SLC30A8: variants seen among roughly 807,000 people sequenced by gnomAD.
The protein encoded by SLC30A8 is proton-coupled zinc antiporter SLC30A8.
Under a neutral mutation model 36.9 loss-of-function variants are expected in SLC30A8, and 27 were observed. That is an observed-to-expected ratio of 0.73 (90% CI 0.54 to 1.01). The LOEUF is 1.01. Ranked by LOEUF, SLC30A8 falls within the 50% of genes least tolerant of loss-of-function variation. SLC30A8 has a pLI of 0.00. For synonymous variants in SLC30A8, 164 were observed against 172.4 expected (o/e 0.95, Z 0.38); for missense variants, 439 against 452.0 (o/e 0.97, Z 0.26).
At chr8:116,961,804 G>A (rs1160124488) in intron 1 of SLC30A8, among the ~76,000 whole-genome samples, 1 of 151,654 alleles carries the variant, frequency 6.6e-6, no homozygotes, top group Non-Finnish European at 1.5e-5. Flanking sequence ...TTTTTGTGTC[G>A]CTCAGACTAG....
intron 1 of SLC30A8, among the ~76,000 whole-genome samples, chr8:116,951,348 C>T (rs183552727): frequency 1.3e-5 from 2 of 152,126 alleles, no homozygotes; most frequent in Non-Finnish European, 2.9e-5. Context: ...AGCAATTAAA[C>T]AAGGGAAGCT....
At chr8:117,128,187 T>A (rs929392610) in intron 2 of SLC30A8, among the ~76,000 whole-genome samples, 2 of 152,054 alleles carry the variant, frequency 1.3e-5, no homozygotes, top group African/African-American at 4.8e-5. Context: ...CTATAGTCTG[T>A]TTAATTTGCT....
At position 117,011,313 on chromosome 8, in the gene SLC30A8, G is replaced by T. The variant is rs1816337570; in HGVS notation, c.-265-27906G>T. On this transcript the variant is annotated intron_variant, in intron 1 of 10. Coordinates refer to the SLC30A8 transcript ENST00000427715. ...CTGGGTTTATGTCACTTGTAATCAG[G>T]AGTCTTGACCAACGTTTCATTTTTC... 2.0e-5 allele frequency among the ~76,000 whole-genome samples: 3 copies of T among 152,178 alleles called. No individual in the cohort carries two copies. The South Asian group carries it at 6.2e-4, about 32-fold the overall frequency.
At chr8:117,160,524 C>T (rs1822736991) in intron 4 of SLC30A8, among the ~76,000 whole-genome samples, 3 of 152,050 alleles carry the variant, frequency 2.0e-5, no homozygotes, top group Admixed American at 2.0e-4. Context: ...GTGACCACAA[C>T]TGTTTTCACT....
At chr8:117,013,085 A>G (rs1248693389) in intron 1 of SLC30A8, among the ~76,000 whole-genome samples, 1 of 152,138 alleles carries the variant, frequency 6.6e-6, no homozygotes, top group Middle Eastern at 3.2e-3. Flanking sequence ...TACCTGTGTC[A>G]GGAGAGGTAT....
At chr8:117,082,921 A>G (rs1459744427) in intron 2 of SLC30A8, among the ~76,000 whole-genome samples, 1 of 152,182 alleles carries the variant, frequency 6.6e-6, no homozygotes, top group Non-Finnish European at 1.5e-5. Flanking sequence ...TTTCAGGAAA[A>G]GCAGGCAGAA....
At chr8:117,005,222 C>G (rs1411847044) in intron 1 of SLC30A8, among the ~76,000 whole-genome samples, 1 of 152,178 alleles carries the variant, frequency 6.6e-6, no homozygotes, top group Non-Finnish European at 1.5e-5. Context: ...CCAATCTTTG[C>G]TGTGTCTGTG....
chr8:117,106,155 G>A (rs1586526463), intron 2 of SLC30A8, among the ~76,000 whole-genome samples: 1 of 152,226 alleles, frequency 6.6e-6, no homozygotes. Flanking sequence ...AGTGCTTTCT[G>A]GGATAAAGGA....
intron 1 of SLC30A8, among the ~76,000 whole-genome samples, chr8:116,971,462 GAT>G (rs1814795076): frequency 6.6e-6 from 1 of 152,196 alleles, no homozygotes; most frequent in East Asian, 1.9e-4. Flanking sequence ...CATCTTTAGA[GAT>G]GAACTGGCAG....
At chr8:117,015,158 A>T (rs926167659) in intron 1 of SLC30A8, among the ~76,000 whole-genome samples, 2 of 152,010 alleles carry the variant, frequency 1.3e-5, no homozygotes, top group African/African-American at 4.8e-5. Context: ...AGGATTAAGG[A>T]TCTTTCTATC....
intron 2 of SLC30A8, among the ~76,000 whole-genome samples, chr8:117,095,824 T>A (rs1013394351): frequency 6.6e-6 from 1 of 152,224 alleles, no homozygotes; most frequent in African/African-American, 2.4e-5. Flanking sequence ...TAGAGGCACA[T>A]AAGTTTTTTA....
Position 116,975,818 on chromosome 8 carries a change from T to A in SLC30A8, c.-266+24699T>A, listed in dbSNP as rs547687071. 3.9e-5 allele frequency among the ~76,000 whole-genome samples: 6 copies of A among 152,358 alleles called. No homozygotes were observed. The South Asian group carries it at 1.2e-3, about 32-fold the overall frequency. On this transcript the variant is annotated intron_variant, in intron 1 of 10. Transcript: ENST00000427715. ...CCAGCAAGGTTGGAAAAGCCAGCTC[T>A]ATCTTTACCTGGAATAGCAGGAGAT...
intron 1 of SLC30A8, among the ~76,000 whole-genome samples, chr8:117,140,556 A>G (rs1040566954): frequency 1.3e-5 from 2 of 152,128 alleles, no homozygotes; most frequent in Non-Finnish European, 2.9e-5. Flanking sequence ...TTAACAGCCA[A>G]CTTCTACCAG....
chr8:117,119,482 T>G (rs1820595033), intron 2 of SLC30A8, among the ~76,000 whole-genome samples: 1 of 151,862 alleles, frequency 6.6e-6, no homozygotes, highest in Admixed American at 6.6e-5. Context: ...CAAGAGGAAG[T>G]CAAGGGGAAT....
chr8:117,138,759 G>A (rs898810692), intron 1 of SLC30A8, among the ~76,000 whole-genome samples: 6 of 152,022 alleles, frequency 3.9e-5, no homozygotes, highest in Middle Eastern at 3.4e-3. Flanking sequence ...TAGGGACTAC[G>A]ATCCGTATTC....
At chr8:116,968,791 C>T (rs1814686465) in intron 1 of SLC30A8, among the ~76,000 whole-genome samples, 1 of 151,978 alleles carries the variant, frequency 6.6e-6, no homozygotes, top group Admixed American at 6.6e-5. Flanking sequence ...GGCTGGAGTG[C>T]AATGGCACGA....
At chr8:116,976,208 A>G (rs934118145) in intron 1 of SLC30A8, among the ~76,000 whole-genome samples, 16 of 149,740 alleles carry the variant, frequency 1.1e-4, no homozygotes, top group African/African-American at 3.4e-4. Flanking sequence ...AGTCCCAGCT[A>G]CTCACTTACC....
chr8:117,014,562 T>C (rs1816448976), intron 1 of SLC30A8, among the ~76,000 whole-genome samples: 1 of 152,182 alleles, frequency 6.6e-6, no homozygotes, highest in Non-Finnish European at 1.5e-5. Context: ...CCTTTTGGAC[T>C]TAAGGTAAAT....
At chr8:117,017,632 A>G (rs1816561436) in intron 1 of SLC30A8, among the ~76,000 whole-genome samples, 1 of 152,224 alleles carries the variant, frequency 6.6e-6, no homozygotes, top group Non-Finnish European at 1.5e-5. Flanking sequence ...AGAATAAGTA[A>G]GGAAAGAAGC....
Sources: allele counts gnomAD v4.1 joint callset (sites outside exome capture counted in the v4.1 genomes callset), GRCh38; gene constraint gnomAD v4.1.1; transcripts MANE v1.5; gene names NCBI Gene and HGNC (gene_info 2026-07-23, HGNC 2026-07-21).